MLLT3: variants seen among roughly 807,000 people sequenced by gnomAD.
MLLT3 encodes the protein MLLT3 super elongation complex subunit.
Under a neutral mutation model 53.2 loss-of-function variants are expected in MLLT3, and 4 were observed. The ratio of observed to expected loss-of-function variants is 0.08; its 90% CI spans 0.04 to 0.17. The LOEUF is 0.17. Ranked by LOEUF, MLLT3 falls within the 10% of genes least tolerant of loss-of-function variation. The pLI, the probability that MLLT3 is intolerant of heterozygous loss-of-function variation, is 1.00. For synonymous variants in MLLT3, 283 were observed against 230.6 expected, an observed-to-expected ratio of 1.23 and a Z score of -2.06; for missense variants, 569 against 684.0, an observed-to-expected ratio of 0.83 and a Z score of 1.87.
chr9:20,447,885 G>C (rs1364116048), intron 4 of MLLT3, among the ~76,000 whole-genome samples: 1 of 151,998 alleles, frequency 6.6e-6, no homozygotes, highest in Non-Finnish European at 1.5e-5. Flanking sequence ...GAGCTGCATA[G>C]ATCTTAAGGC....
At chr9:20,389,605 T>C (rs1019903868) in intron 5 of MLLT3, among the ~76,000 whole-genome samples, 4 of 151,752 alleles carry the variant, frequency 2.6e-5, no homozygotes, top group African/African-American at 9.7e-5. Flanking sequence ...TAGAACCCCA[T>C]CTCTACAAAA....
chr9:20,544,011 T>A (rs975818929), intron 2 of MLLT3, among the ~76,000 whole-genome samples: 1 of 152,082 alleles, frequency 6.6e-6, no homozygotes, highest in Non-Finnish European at 1.5e-5. Context: ...GACAGACATA[T>A]AAATAAACAG....
chr9:20,417,469 G>T (rs115558630), intron 4 of MLLT3, among the ~76,000 whole-genome samples: 2 of 150,754 alleles, frequency 1.3e-5, no homozygotes, highest in South Asian at 4.2e-4. Flanking sequence ...TAACCTCAAC[G>T]TTAAGTACCA....
chr9:20,362,658 G>C (rs1438431964), intron 7 of MLLT3: 2 of 147,870 alleles, frequency 1.4e-5, no homozygotes, highest in Non-Finnish European at 3.0e-5. Flanking sequence ...AGAGGACAAA[G>C]CATTGGCAAT....
chr9:20,426,729 G>GT (rs1823147697), intron 4 of MLLT3, among the ~76,000 whole-genome samples: 1 of 151,948 alleles, frequency 6.6e-6, no homozygotes, highest in Non-Finnish European at 1.5e-5. Context: ...TTCTTACTAT[G>GT]ATACAACTAG....
intron 2 of MLLT3, among the ~76,000 whole-genome samples, chr9:20,528,468 T>TC (rs1215644211): frequency 1.3e-5 from 2 of 152,210 alleles, no homozygotes; most frequent in Non-Finnish European, 2.9e-5. Context: ...GAAACGTATT[T>TC]CCCCACAGTT....
At chr9:20,541,320 G>T (rs1306006054) in intron 2 of MLLT3, among the ~76,000 whole-genome samples, 1 of 152,036 alleles carries the variant, frequency 6.6e-6, no homozygotes, top group Admixed American at 6.6e-5. Context: ...ACATTTTCAG[G>T]TATCTTTACA....
At chr9:20,485,248 C>T (rs1039052864) in intron 2 of MLLT3, among the ~76,000 whole-genome samples, 1 of 152,144 alleles carries the variant, frequency 6.6e-6, no homozygotes, top group East Asian at 1.9e-4. Context: ...CTTGGCCTCC[C>T]AAAGTACTGG....
Position 20,538,377 on chromosome 9 carries a change from C to G in MLLT3, c.194-81591G>C, listed in dbSNP as rs182015574. 2.5e-4 allele frequency among the ~76,000 whole-genome samples: 38 copies of G among 152,290 alleles called. 1 individual carries two copies. In the Middle Eastern group the frequency reaches 0.01, roughly 41 times the overall value. ...ATTTATAAGTAAGTAAGTAACACAG[C>G]TGAAATTCAAATCCAGGCAATCTGG... is the stretch of plus-strand genomic sequence containing the variant. On this transcript the variant is annotated intron_variant, in intron 2 of 10. Transcript: ENST00000380338.
chr9:20,499,593 A>T (rs1381423231), intron 2 of MLLT3, among the ~76,000 whole-genome samples: 4 of 152,238 alleles, frequency 2.6e-5, no homozygotes, highest in Non-Finnish European at 5.9e-5. Flanking sequence ...GATACCTTCG[A>T]AATCATTTGC....
At chr9:20,392,382 T>C (rs1216433387) in intron 5 of MLLT3, among the ~76,000 whole-genome samples, 1 of 152,202 alleles carries the variant, frequency 6.6e-6, no homozygotes, top group African/African-American at 2.4e-5. Context: ...TAATTTGATA[T>C]GACTGACATA....
chr9:20,546,794 C>G (rs984718725), intron 2 of MLLT3, among the ~76,000 whole-genome samples: 4 of 152,256 alleles, frequency 2.6e-5, no homozygotes, highest in African/African-American at 9.6e-5. Context: ...AGGGGCCATA[C>G]AGGGGATCGA....
At chr9:20,543,475 T>C (rs934611106) in intron 2 of MLLT3, among the ~76,000 whole-genome samples, 1 of 152,038 alleles carries the variant, frequency 6.6e-6, no homozygotes, top group African/African-American at 2.4e-5. Context: ...CCATAACATA[T>C]ATAAGAATAA....
At chr9:20,573,488 G>C (rs907731582) in intron 2 of MLLT3, among the ~76,000 whole-genome samples, 1 of 152,060 alleles carries the variant, frequency 6.6e-6, no homozygotes, top group Non-Finnish European at 1.5e-5. Flanking sequence ...CCACGAGGAA[G>C]ATTTTAAAAA....
At chr9:20,473,841 C>G in intron 2 of MLLT3, among the ~76,000 whole-genome samples, 1 of 152,090 alleles carries the variant, frequency 6.6e-6, no homozygotes, top group East Asian at 1.9e-4. Flanking sequence ...CAATGAAGTA[C>G]AATACATAAA....
chr9:20,614,638 T>A (rs2780845), intron 2 of MLLT3, among the ~76,000 whole-genome samples: 33,622 of 99,308 alleles, frequency 0.34, 3,858 homozygotes, highest in South Asian at 0.39. Flanking sequence ...TATCTACAAA[T>A]TAGAAAAAAA....
chr9:20,398,708 T>G (rs1563950206), intron 5 of MLLT3, among the ~76,000 whole-genome samples: 1 of 152,260 alleles, frequency 6.6e-6, no homozygotes, highest in Middle Eastern at 3.4e-3. Flanking sequence ...AGGCAGAAAT[T>G]TCTTTCACTG....
At chr9:20,404,883 T>C (rs569331580) in intron 5 of MLLT3, among the ~76,000 whole-genome samples, 61 of 152,182 alleles carry the variant, frequency 4.0e-4, no homozygotes, top group African/African-American at 1.3e-3. Flanking sequence ...ACAAAGATAA[T>C]TGACTGGCCA....
At chr9:20,558,771 C>G (rs953688686) in intron 2 of MLLT3, among the ~76,000 whole-genome samples, 1 of 152,222 alleles carries the variant, frequency 6.6e-6, no homozygotes, top group African/African-American at 2.4e-5. Flanking sequence ...TTAGCAAATG[C>G]AATTCATACT....
Sources: gnomAD v4.1 joint callset for allele counts (sites outside exome capture counted in the v4.1 genomes callset) on GRCh38, gnomAD v4.1.1 for gene constraint, MANE v1.5 for transcripts, NCBI Gene and HGNC (gene_info 2026-07-23, HGNC 2026-07-21) for gene names.